MAML3: variants seen among roughly 807,000 people sequenced by gnomAD.
MAML3 encodes mastermind-like protein 3.
A neutral mutation model predicts 101.9 loss-of-function variants in MAML3; 27 were observed. That is an observed-to-expected ratio of 0.27 (90% confidence interval 0.20 to 0.37). The LOEUF is 0.37. MAML3 is among the 10% of genes least tolerant of loss of function. The pLI is 1.00. For synonymous variants in MAML3, 501 were observed against 555.9 expected, an observed-to-expected ratio of 0.90 and a Z score of 1.39; for missense variants, 1,316 against 1,444.9, an observed-to-expected ratio of 0.91 and a Z score of 1.45.
chr4:139,983,290 A>C lies in MAML3; in HGVS notation c.469-92323T>G, dbSNP rs901908626. Among the ~76,000 whole-genome samples the C allele has an allele frequency of 9.2e-5, 14 of 152,166 alleles. No individual in the cohort carries two copies. In the South Asian group the frequency reaches 2.9e-3, roughly 32 times the overall value. ...CTTTCCTCCCAAATCCCTGGCAACC[A>C]CTGCTCTGTTTACCATCTCCAAAGT... On this transcript the variant is annotated intron_variant, in intron 1 of 4. Transcript: ENST00000509479.
intron 1 of MAML3, among the ~76,000 whole-genome samples, chr4:140,004,250 G>A (rs1192739446): frequency 6.6e-6 from 1 of 152,152 alleles, no homozygotes; most frequent in Non-Finnish European, 1.5e-5. Context: ...CAGAATATTG[G>A]TGGATGGGGG....
At chr4:139,734,693 T>G (rs954187478) in intron 2 of MAML3, among the ~76,000 whole-genome samples, 1 of 152,224 alleles carries the variant, frequency 6.6e-6, no homozygotes, top group African/African-American at 2.4e-5. Flanking sequence ...GGTAAAAATA[T>G]CTCCCAAGAA....
At chr4:140,130,236 C>A (rs1728768431) in intron 1 of MAML3, among the ~76,000 whole-genome samples, 1 of 152,164 alleles carries the variant, frequency 6.6e-6, no homozygotes, top group Admixed American at 6.5e-5. Context: ...ATGTAAACCC[C>A]AGGCCAAAAA....
At chr4:139,969,001 G>A (rs530804122) in intron 1 of MAML3, among the ~76,000 whole-genome samples, 1 of 151,992 alleles carries the variant, frequency 6.6e-6, no homozygotes, top group South Asian at 2.1e-4. Context: ...CAGAGCAAGA[G>A]AAACAGAAGT....
chr4:139,830,559 T>C (rs56817441), intron 2 of MAML3, among the ~76,000 whole-genome samples: 5,887 of 150,994 alleles, frequency 0.039, 400 homozygotes, highest in African/African-American at 0.14. Context: ...GGACTACAGG[T>C]GCCCGCCACC....
chr4:139,950,153 G>A (rs1469613188), intron 1 of MAML3, among the ~76,000 whole-genome samples: 1 of 152,158 alleles, frequency 6.6e-6, no homozygotes, highest in Non-Finnish European at 1.5e-5. Context: ...CAATTCTCCT[G>A]CCTCAGCTTC....
At chr4:139,787,746 C>T (rs543878530) in intron 2 of MAML3, among the ~76,000 whole-genome samples, 115 of 152,278 alleles carry the variant, frequency 7.6e-4, no homozygotes, top group African/African-American at 2.6e-3. Context: ...GAGTTCAGAG[C>T]CTATCAGAGA....
intron 1 of MAML3, among the ~76,000 whole-genome samples, chr4:140,143,002 C>T (rs149855773): frequency 6.5e-4 from 99 of 152,308 alleles, no homozygotes; most frequent in African/African-American, 2.3e-3. Flanking sequence ...CTCCTCTGCA[C>T]AGTTTTATTT....
At chr4:139,795,880 A>C (rs1223758577) in intron 2 of MAML3, among the ~76,000 whole-genome samples, 1 of 152,226 alleles carries the variant, frequency 6.6e-6, no homozygotes, top group Non-Finnish European at 1.5e-5. Context: ...ACACAAATGC[A>C]CATGTAAATA....
At position 139,742,564 on chromosome 4, in the gene MAML3, T is replaced by C. The variant is rs1032135370; in HGVS notation, c.2080-11897A>G. 4.7e-4 allele frequency among the ~76,000 whole-genome samples: 71 copies of C among 152,208 alleles called. 1 individual carries two copies. The highest frequency in any genetic ancestry group is 1.5e-3 in the African/African-American group (64 of 41,454). ...CTCTTAGTATCGTCCCTATTAATAA[T>C]GAGGAAGTTAGAAACTTTAGGTGGG... On this transcript the variant is annotated intron_variant, in intron 2 of 4. Coordinates refer to ENST00000509479, the MANE Select transcript of MAML3 (RefSeq NM_018717.5).
intron 1 of MAML3, among the ~76,000 whole-genome samples, chr4:139,961,746 T>C (rs1217278917): frequency 6.6e-6 from 1 of 152,052 alleles, no homozygotes; most frequent in Non-Finnish European, 1.5e-5. Flanking sequence ...TGGAAAAAAG[T>C]TTTCAATAAA....
At chr4:139,883,676 C>T (rs1344835850) in intron 2 of MAML3, among the ~76,000 whole-genome samples, 3 of 151,922 alleles carry the variant, frequency 2.0e-5, no homozygotes, top group Non-Finnish European at 4.4e-5. Flanking sequence ...GAGAAGACAA[C>T]ATGGAAGTGG....
chr4:139,852,344 G>A (rs991376258), intron 2 of MAML3, among the ~76,000 whole-genome samples: 3 of 149,226 alleles, frequency 2.0e-5, no homozygotes, highest in Non-Finnish European at 4.4e-5. Context: ...CCAAAGAAGT[G>A]TGAAACCTAT....
chr4:139,757,329 C>T (rs1315003291), intron 2 of MAML3, among the ~76,000 whole-genome samples: 1 of 152,084 alleles, frequency 6.6e-6, no homozygotes, highest in Non-Finnish European at 1.5e-5. Flanking sequence ...AGTACTCCCC[C>T]TCACACTCAC....
Position 139,889,897 on chromosome 4 carries a change from A to G in MAML3, c.1539T>C (p.Asn513=). 1.9e-6 allele frequency: 3 copies of G among 1,611,776 alleles called. No homozygotes were observed. Among genetic ancestry groups the G allele is most frequent in the Non-Finnish European group, 1.7e-6 (2 of 1,179,552 alleles). Residue 513 remains asparagine (N), a synonymous_variant, in exon 2 of 5, where the codon AAT becomes AAC. Transcript: ENST00000509479. ...CTAAGGGAGACCAATTTGAAGTCTGATTTGAGTGCTGTTGCTGCTGCTGCT... is the reference window on the plus strand; with the variant it reads ...CTAAGGGAGACCAATTTGAAGTCTGGTTTGAGTGCTGTTGCTGCTGCTGCT... The part of the protein sequence containing the change: ...QQQQQQQQHS[N]QTSNWSPLGP...
chr4:139,743,948 G>A (rs1458902684), intron 2 of MAML3, among the ~76,000 whole-genome samples: 2 of 152,136 alleles, frequency 1.3e-5, no homozygotes, highest in Non-Finnish European at 2.9e-5. Context: ...ACATGTGGAG[G>A]GGCCATCCCT....
At chr4:139,871,569 C>T (rs972390970) in intron 2 of MAML3, among the ~76,000 whole-genome samples, 19 of 152,168 alleles carry the variant, frequency 1.2e-4, no homozygotes, top group African/African-American at 4.1e-4. Flanking sequence ...TCACTTTGAT[C>T]GAGATAGTAC....
At chr4:139,962,675 C>A (rs540582701) in intron 1 of MAML3, among the ~76,000 whole-genome samples, 38 of 152,220 alleles carry the variant, frequency 2.5e-4, no homozygotes, top group Middle Eastern at 3.4e-3. Flanking sequence ...CTCTGTAAAT[C>A]TAAAACTGTT....
chr4:140,129,846 T>A (rs1728758805), intron 1 of MAML3, among the ~76,000 whole-genome samples: 2 of 151,794 alleles, frequency 1.3e-5, no homozygotes, highest in Non-Finnish European at 2.9e-5. Context: ...GCACCTGTAG[T>A]CCCAGCTATT....
Sources: allele counts gnomAD v4.1 joint callset (sites outside exome capture counted in the v4.1 genomes callset), GRCh38; gene constraint gnomAD v4.1.1; transcripts MANE v1.5; gene names NCBI Gene and HGNC (gene_info 2026-07-23, HGNC 2026-07-21).